Variants in ARHGAP26 observed in about 807,000 individuals in gnomAD.
The protein encoded by ARHGAP26 is Rho GTPase activating protein 26, also known as rho GTPase-activating protein 26.
Under a neutral mutation model 104.8 loss-of-function variants are expected in ARHGAP26, and 38 were observed. The observed-to-expected ratio is 0.36, with a 90% confidence interval of 0.28 to 0.48. The LOEUF is 0.48. ARHGAP26 is among the 20% of genes least tolerant of loss of function. The pLI, the probability that ARHGAP26 is intolerant of heterozygous loss-of-function variation, is 0.99. For missense variants in ARHGAP26, 704 were observed against 947.9 expected (o/e 0.74, Z 3.38); for synonymous variants, 341 against 340.0 (o/e 1.00, Z -0.03).
chr5:142,794,902 T>C (rs939472372), intron 1 of ARHGAP26, among the ~76,000 whole-genome samples: 1 of 152,188 alleles, frequency 6.6e-6, no homozygotes, highest in African/African-American at 2.4e-5. Flanking sequence ...AAATAAACTA[T>C]AACTAATAGA....
chr5:143,163,500 G>A (rs62376070), intron 20 of ARHGAP26, among the ~76,000 whole-genome samples: 31 of 150,924 alleles, frequency 2.1e-4, no homozygotes, highest in Non-Finnish European at 4.3e-4. Flanking sequence ...GCCCAGGCTC[G>A]AGTGCAATGG....
At chr5:143,123,573 C>T (rs1796383383) in intron 18 of ARHGAP26, among the ~76,000 whole-genome samples, 1 of 152,200 alleles carries the variant, frequency 6.6e-6, no homozygotes, top group African/African-American at 2.4e-5. Flanking sequence ...CAATGTTGGC[C>T]AGGCACAGTG....
At chr5:143,035,812 T>A (rs1782544016) in intron 12 of ARHGAP26, among the ~76,000 whole-genome samples, 1 of 151,724 alleles carries the variant, frequency 6.6e-6, no homozygotes, top group African/African-American at 2.4e-5. Flanking sequence ...GGTGGGTGCC[T>A]GTAATCCCAG....
At chr5:142,860,414 G>A (rs1753119933) in intron 1 of ARHGAP26, 1 of 152,196 alleles carries the variant, frequency 6.6e-6, no homozygotes, top group Non-Finnish European at 1.5e-5. Flanking sequence ...GCTGGGCAGA[G>A]CCTGTATTGG....
chr5:142,829,272 G>A (rs984440963), intron 1 of ARHGAP26, among the ~76,000 whole-genome samples: 3 of 152,206 alleles, frequency 2.0e-5, no homozygotes, highest in Non-Finnish European at 4.4e-5. Flanking sequence ...TGCTATCTCA[G>A]CATGATTATT....
intron 20 of ARHGAP26, among the ~76,000 whole-genome samples, chr5:143,182,475 C>T (rs1804526314): frequency 6.6e-6 from 1 of 152,156 alleles, no homozygotes; most frequent in East Asian, 1.9e-4. Context: ...GGATTCTCAG[C>T]ACTTAGGACA....
At chr5:143,215,397 T>A (rs976311984) in intron 22 of ARHGAP26, among the ~76,000 whole-genome samples, 2 of 152,258 alleles carry the variant, frequency 1.3e-5, no homozygotes, top group Non-Finnish European at 2.9e-5. Flanking sequence ...AAAAGTTATG[T>A]ATATGCTTCT....
intron 14 of ARHGAP26, among the ~76,000 whole-genome samples, chr5:143,050,824 AC>A (rs1784903312): frequency 6.6e-6 from 1 of 152,164 alleles, no homozygotes; most frequent in South Asian, 2.1e-4. Context: ...AGCTAGCAAT[AC>A]GGCTACTAAT....
At chr5:142,963,630 C>A (rs554523449) in intron 11 of ARHGAP26, among the ~76,000 whole-genome samples, 205 of 152,270 alleles carry the variant, frequency 1.3e-3, no homozygotes, top group African/African-American at 4.8e-3. Context: ...AATCTCAGAT[C>A]TCAGCCTAAA....
intron 11 of ARHGAP26, among the ~76,000 whole-genome samples, chr5:142,984,635 A>G (rs1165505660): frequency 6.6e-6 from 1 of 152,214 alleles, no homozygotes; most frequent in African/African-American, 2.4e-5. Flanking sequence ...CACACACCAT[A>G]TAAAGATGTT....
At chr5:142,795,859 G>A (rs975448994) in intron 1 of ARHGAP26, among the ~76,000 whole-genome samples, 1 of 152,124 alleles carries the variant, frequency 6.6e-6, no homozygotes, top group Admixed American at 6.5e-5. Context: ...TGATGGAATG[G>A]ATAGAAATCA....
At chr5:142,879,542 A>T in intron 4 of ARHGAP26, 97 bp downstream of exon 4, 8 of 1,152,824 alleles carry the variant, frequency 6.9e-6, no homozygotes, top group African/African-American at 1.6e-5. Context: ...ATGTCTTCAG[A>T]AAATCGAAGC....
intron 9 of ARHGAP26, 84 bp from the exon 10 acceptor site, chr5:142,913,115 C>T (rs1598209263): frequency 8.8e-7 from 1 of 1,141,914 alleles, no homozygotes; most frequent in South Asian, 1.3e-5. Flanking sequence ...GAAATGATTG[C>T]TCCTGTTTAC....
intron 11 of ARHGAP26, among the ~76,000 whole-genome samples, chr5:142,983,964 A>G (rs1468963820): frequency 2.0e-5 from 3 of 152,240 alleles, no homozygotes; most frequent in South Asian, 2.1e-4. Flanking sequence ...ACAATGGCTT[A>G]AAGTAAGTTT....
At chr5:142,976,980 G>T (rs920266551) in intron 11 of ARHGAP26, among the ~76,000 whole-genome samples, 1 of 152,206 alleles carries the variant, frequency 6.6e-6, no homozygotes, top group Non-Finnish European at 1.5e-5. Context: ...CCCAGGGCAG[G>T]CTCTTTCATT....
intron 11 of ARHGAP26, among the ~76,000 whole-genome samples, chr5:142,969,095 C>A (rs997382655): frequency 6.6e-6 from 1 of 152,104 alleles, no homozygotes; most frequent in Admixed American, 6.6e-5. Context: ...CCATACTCAG[C>A]TCTTTTTATT....
intron 11 of ARHGAP26, among the ~76,000 whole-genome samples, chr5:142,982,954 T>C (rs1051366937): frequency 6.6e-6 from 1 of 152,190 alleles, no homozygotes; most frequent in Admixed American, 6.5e-5. Flanking sequence ...CCACCTCTGA[T>C]AGCACATGCA....
chr5:143,113,708 A>G (rs1173561630), intron 17 of ARHGAP26, among the ~76,000 whole-genome samples: 1 of 152,024 alleles, frequency 6.6e-6, no homozygotes, highest in Non-Finnish European at 1.5e-5. Context: ...GTCCAGTATC[A>G]CTCCCACAGG....
At chr5:143,046,670 A>C (rs572708119) in intron 14 of ARHGAP26, among the ~76,000 whole-genome samples, 1 of 152,354 alleles carries the variant, frequency 6.6e-6, no homozygotes, top group Non-Finnish European at 1.5e-5. Flanking sequence ...TTAAGTAAAG[A>C]TAAATCTTTC....
Sources: allele counts gnomAD v4.1 joint callset (sites outside exome capture counted in the v4.1 genomes callset), GRCh38; gene constraint gnomAD v4.1.1; transcripts MANE v1.5; gene names NCBI Gene and HGNC (gene_info 2026-07-23, HGNC 2026-07-21).